Variants in COL24A1 observed in about 807,000 individuals in gnomAD.
COL24A1 encodes collagen type XXIV alpha 1 chain.
Under a neutral mutation model 253.9 loss-of-function variants are expected in COL24A1, and 224 were observed. The observed-to-expected ratio is 0.88, with a 90% CI of 0.79 to 0.99. COL24A1 has a LOEUF of 0.99. Among genes scored for constraint, COL24A1 ranks in the 50% least tolerant of loss-of-function variants. The pLI, the probability that COL24A1 is intolerant of heterozygous loss-of-function variation, is 0.00. For missense variants in COL24A1, 2,131 were observed against 2,068.5 expected (o/e 1.03, Z -0.59); for synonymous variants, 685 against 673.7 (o/e 1.02, Z -0.26).
In COL24A1 at chr1:86,156,580, C is replaced by T. The variant is rs555633738; in HGVS notation, c.-184G>A. 1.1e-4 allele frequency: 50 copies of T among 460,720 alleles called. No homozygotes were observed. Among genetic ancestry groups the T allele is most frequent in the Non-Finnish European group, 1.6e-4 (43 of 265,228 alleles). The allele number at this position is 460,720 out of a possible 1,614,324, so 28.5% of individuals were successfully genotyped here. ...AGTCGGGAGGAGGTAGGAAATAGCA[C>T]CCGAAGGGGAGGACAGGCTTCCTAG... is the stretch of plus-strand genomic sequence containing the variant. On this transcript the variant is annotated 5_prime_UTR_variant, in exon 1 of 60. The change creates a new upstream start codon in the 5' untranslated region. Coordinates refer to ENST00000370571, the MANE Select transcript of COL24A1 (RefSeq NM_152890.7).
At chr1:85,857,403 A>G (rs1445152820) in intron 37 of COL24A1, among the ~76,000 whole-genome samples, 1 of 149,664 alleles carries the variant, frequency 6.7e-6, no homozygotes, top group Non-Finnish European at 1.5e-5. Flanking sequence ...AGAGACATCT[A>G]TAGAAATTAG....
At position 86,023,007 on chromosome 1, in the gene COL24A1, C is replaced by A. The variant is rs1286542005; in HGVS notation, c.2050G>T (p.Gly684Cys). The change falls in exon 15 of 60, where the codon GGC (glycine) becomes TGC (cysteine). Residue 684 changes from glycine to cysteine, a missense_variant and splice_region_variant. Coordinates refer to ENST00000370571, the MANE Select transcript of COL24A1 (RefSeq NM_152890.7). ...TGPPGFPGLR[G>C]SVGPVGPIGP... The stretch of plus-strand genomic sequence containing the variant: ...ATTGGTCCCACAGGGCCAACACTGC[C>A]CTGGAAAACAGTAAGAAAGAAATGC... 1 of 1,612,076 alleles carries A rather than the reference C, an allele frequency of 6.2e-7. No homozygotes were observed. Among genetic ancestry groups the A allele is most frequent in the East Asian group, 2.2e-5 (1 of 44,760 alleles).
chr1:86,000,898 T>C (rs571634008), intron 19 of COL24A1, among the ~76,000 whole-genome samples: 1 of 152,218 alleles, frequency 6.6e-6, no homozygotes, highest in Non-Finnish European at 1.5e-5. Context: ...CCTGCTACCA[T>C]ATAAGAAGGT....
chr1:85,747,124 T>A (rs935183459), intron 55 of COL24A1, among the ~76,000 whole-genome samples: 9 of 95,348 alleles, frequency 9.4e-5, no homozygotes, highest in East Asian at 3.2e-4. Flanking sequence ...TTTTTTTTTT[T>A]AATTTGAGAT....
chr1:85,873,597 C>G (rs1040057639), intron 35 of COL24A1, among the ~76,000 whole-genome samples: 2 of 152,076 alleles, frequency 1.3e-5, no homozygotes, highest in African/African-American at 2.4e-5. Flanking sequence ...GAGAAAATAC[C>G]AAACACTGCA....
At chr1:85,914,880 T>C (rs1685742023) in intron 24 of COL24A1, among the ~76,000 whole-genome samples, 1 of 152,162 alleles carries the variant, frequency 6.6e-6, no homozygotes, top group Non-Finnish European at 1.5e-5. Flanking sequence ...AATGATATCA[T>C]GTTAGGCAGA....
At chr1:85,802,477 A>G (rs1391217141) in intron 47 of COL24A1, among the ~76,000 whole-genome samples, 1 of 152,020 alleles carries the variant, frequency 6.6e-6, no homozygotes, top group African/African-American at 2.4e-5. Flanking sequence ...TTCCCAATTT[A>G]CAAACTCCAG....
chr1:85,744,807 T>C lies in COL24A1; in HGVS notation c.4531A>G (p.Ile1511Val), dbSNP rs774949827. The C allele has an allele frequency of 6.2e-7, 1 of 1,610,168 alleles. No individual in the cohort carries two copies. Among genetic ancestry groups the C allele is most frequent in the Non-Finnish European group, 8.5e-7 (1 of 1,178,520 alleles). ...TTGAATATCTCTTCACTGTGGTCAA[T>C]TAAAGTCACTTCAGTATTCTGGTAG... ...ESYQNTEVTLIDHSEEIFKTL... is the reference protein window; with the variant it reads ...ESYQNTEVTLVDHSEEIFKTL... The change falls in exon 57 of 60, where the codon ATT (isoleucine) becomes GTT (valine). Residue 1511 changes from isoleucine (I) to valine (V), a missense_variant. By Grantham distance (29) the Ile-to-Val change is conservative (BLOSUM62 3). Transcript: ENST00000370571.
At chr1:86,041,876 G>C (rs182386195) in intron 12 of COL24A1, among the ~76,000 whole-genome samples, 3 of 152,226 alleles carry the variant, frequency 2.0e-5, no homozygotes, top group Admixed American at 2.0e-4. Flanking sequence ...GAATGAACTT[G>C]AGTTGAACTC....
At chr1:85,771,366 C>T (rs1667940340) in intron 53 of COL24A1, among the ~76,000 whole-genome samples, 1 of 152,032 alleles carries the variant, frequency 6.6e-6, no homozygotes, top group African/African-American at 2.4e-5. Flanking sequence ...GTTTTCTGAT[C>T]TTGTGATAGT....
intron 11 of COL24A1, 68 bp from the exon 12 acceptor site, chr1:86,046,937 T>C: frequency 2.2e-6 from 2 of 901,110 alleles, no homozygotes; most frequent in Non-Finnish European, 3.7e-6. Flanking sequence ...GATCTTTTTC[T>C]CCCAATATAA....
chr1:85,847,457 T>TC (rs1677252514), intron 39 of COL24A1, among the ~76,000 whole-genome samples: 1 of 152,222 alleles, frequency 6.6e-6, no homozygotes, highest in Non-Finnish European at 1.5e-5. Context: ...TTCATTTTTT[T>TC]CTCTTTCCTT....
At chr1:85,765,956 G>T (rs1385031804) in intron 53 of COL24A1, among the ~76,000 whole-genome samples, 1 of 152,110 alleles carries the variant, frequency 6.6e-6, no homozygotes, top group African/African-American at 2.4e-5. Context: ...AAACTTTCAG[G>T]ATTTATTTGG....
Position 85,938,839 on chromosome 1 carries a change from T to TATTA in COL24A1, c.2562+22409_2562+22410insTAAT, listed in dbSNP as rs2103154545. Among the ~76,000 whole-genome samples the TATTA allele has an allele frequency of 2.6e-5, 4 of 151,940 alleles. 1 individual carries two copies. The highest frequency in any genetic ancestry group is 4.4e-5 in the Non-Finnish European group (3 of 68,000). On this transcript the variant is annotated intron_variant, in intron 24 of 59. Transcript: ENST00000370571. ...TTGGAGTAAACTATAAAAGCCCAGT[T>TATTA]ACTTAAGCCTAGCATGGGACTACTC...
intron 35 of COL24A1, among the ~76,000 whole-genome samples, chr1:85,869,463 C>A (rs1260125940): frequency 2.0e-5 from 3 of 152,114 alleles, no homozygotes; most frequent in African/African-American, 7.2e-5. Context: ...TCGGGTTAAC[C>A]ACAAAGGAAA....
At chr1:85,971,573 A>G (rs1192079805) in intron 20 of COL24A1, among the ~76,000 whole-genome samples, 180 bp from the exon 21 acceptor site, 2 of 152,212 alleles carry the variant, frequency 1.3e-5, no homozygotes, top group Non-Finnish European at 2.9e-5. Flanking sequence ...AAAATATAGG[A>G]TAAACTTATT....
intron 7 of COL24A1, among the ~76,000 whole-genome samples, chr1:86,084,596 C>T (rs1301039251): frequency 6.6e-6 from 1 of 152,174 alleles, no homozygotes; most frequent in Non-Finnish European, 1.5e-5. Flanking sequence ...TGAAATGATG[C>T]TAAATCACAG....
chr1:85,799,175 G>A (rs1460416023), intron 47 of COL24A1, among the ~76,000 whole-genome samples: 1 of 117,700 alleles, frequency 8.5e-6, no homozygotes, highest in Non-Finnish European at 1.8e-5. Flanking sequence ...ACTGCAGAGT[G>A]AATATGCCAA....
At chr1:85,988,709 A>C (rs1693957740) in intron 19 of COL24A1, among the ~76,000 whole-genome samples, 1 of 152,128 alleles carries the variant, frequency 6.6e-6, no homozygotes, top group Non-Finnish European at 1.5e-5. Context: ...TGGGAATAAA[A>C]AATATGAAGT....
Sources: allele counts gnomAD v4.1 joint callset (sites outside exome capture counted in the v4.1 genomes callset), GRCh38; gene constraint gnomAD v4.1.1; transcripts MANE v1.5; gene names NCBI Gene and HGNC (gene_info 2026-07-23, HGNC 2026-07-21).